The following UVSSA variants were observed in gnomAD, a reference collection of about 807,000 sequenced individuals.
UVSSA encodes UV-stimulated scaffold protein A.
A neutral mutation model predicts 73.9 loss-of-function variants in UVSSA; 72 were observed. The observed-to-expected ratio is 0.97, with a 90% CI of 0.81 to 1.19. The LOEUF (loss-of-function observed/expected upper bound fraction) is 1.19. Ranked by LOEUF, UVSSA falls within the 50% of genes most tolerant of loss-of-function variation. The probability of loss-of-function intolerance (pLI) is 0.00; values close to 1 mark genes in which losing one functional copy is unlikely to be tolerated. For synonymous variants in UVSSA, 454 were observed against 391.3 expected, an observed-to-expected ratio of 1.16 and a Z score of -1.89; for missense variants, 1,150 against 965.0, an observed-to-expected ratio of 1.19 and a Z score of -2.54.
upstream of UVSSA, among the ~76,000 whole-genome samples, chr4:1,346,191 G>GA (rs1424969514): frequency 6.6e-6 from 1 of 152,216 alleles, no homozygotes; most frequent in Non-Finnish European, 1.5e-5. Flanking sequence ...CACACATCCT[G>GA]AAACCCACCC....
intron 10 of UVSSA, among the ~76,000 whole-genome samples, chr4:1,377,018 G>A (rs1239459262): frequency 6.6e-6 from 1 of 152,222 alleles, no homozygotes; most frequent in Non-Finnish European, 1.5e-5. Context: ...CCATTTCAAG[G>A]GCCGGGCTGC....
Position 1,365,826 on chromosome 4 carries a change from C to T in UVSSA, c.1177-494C>T, listed in dbSNP as rs192254573. On this transcript the variant is annotated intron_variant, in intron 7 of 13. Transcript: ENST00000389851. Reference sequence around the variant, plus strand: ...ACCTAAGCCCCGGGGGCACCGCAGACGCACCTGCTCCACCTGGTGGGAAGA... The same window carrying T: ...ACCTAAGCCCCGGGGGCACCGCAGATGCACCTGCTCCACCTGGTGGGAAGA... Among the ~76,000 whole-genome samples the T allele has an allele frequency of 3.4e-3, 517 of 152,120 alleles. 4 individuals carry two copies. The highest frequency in any genetic ancestry group is 0.012 in the African/African-American group (497 of 41,532).
chr4:1,373,159 T>A (rs1718346511), intron 8 of UVSSA, among the ~76,000 whole-genome samples: 1 of 152,238 alleles, frequency 6.6e-6, no homozygotes, highest in South Asian at 2.1e-4. Context: ...CTATTGAAAA[T>A]CTTGTGTCAA....
intron 10 of UVSSA, among the ~76,000 whole-genome samples, chr4:1,379,404 C>T (rs962840728): frequency 2.6e-5 from 4 of 152,222 alleles, no homozygotes; most frequent in East Asian, 1.9e-4. Flanking sequence ...CACCCAGCCC[C>T]CCCATCCCAT....
chr4:1,352,947 G>T, intron 4 of UVSSA, 83 bp from the exon 5 acceptor site: 2 of 1,520,658 alleles, frequency 1.3e-6, no homozygotes, highest in Admixed American at 2.0e-5. Flanking sequence ...CCTGCGGGGA[G>T]TGGGCCTCTG....
chr4:1,342,322 CCTTG>C (rs1713460711), upstream of UVSSA, among the ~76,000 whole-genome samples: 1 of 152,126 alleles, frequency 6.6e-6, no homozygotes, highest in African/African-American at 2.4e-5. Context: ...TGTGATTTTC[CCTTG>C]CTTTTCTTTG....
At chr4:1,395,855 A>G in exon 14 of UVSSA, 1 of 1,611,420 alleles carries the variant, frequency 6.2e-7, no homozygotes, top group Non-Finnish European at 8.5e-7. Flanking sequence ...TAACGTAGGA[A>G]TATTAGGGAT....
chr4:1,375,324 G>C, intron 8 of UVSSA, 40 bp from the exon 9 acceptor site: 1 of 1,608,758 alleles, frequency 6.2e-7, no homozygotes, highest in East Asian at 2.2e-5. Flanking sequence ...CTGGCGGGTT[G>C]TGGGAGTGGT....
At chr4:1,352,103 C>T (rs1319067124) in intron 4 of UVSSA, among the ~76,000 whole-genome samples, 4 of 152,264 alleles carry the variant, frequency 2.6e-5, no homozygotes, top group Non-Finnish European at 4.4e-5. Flanking sequence ...CACAGGTGTG[C>T]CTGTGGGCAG....
At chr4:1,394,089 C>G (rs1479454561) in exon 14 of UVSSA, 1 of 300,274 alleles carries the variant, frequency 3.3e-6, no homozygotes, top group Admixed American at 4.9e-5. Context: ...GTGCCTTTGC[C>G]TTCACTTCTT....
At position 1,350,091 on chromosome 4, in the gene UVSSA, G is replaced by A. The variant is rs1191450399; in HGVS notation, c.429+237G>A. Among the ~76,000 whole-genome samples the A allele has an allele frequency of 2.6e-5, 4 of 152,118 alleles. No homozygotes were observed. In the East Asian group the frequency reaches 7.7e-4, roughly 29 times the overall value. ...CTGAGAGGAAGAGCATAAGCTTTATGTGTGGGTGGAGCTGAGGCTGCATGT... is the reference window on the plus strand; with the variant it reads ...CTGAGAGGAAGAGCATAAGCTTTATATGTGGGTGGAGCTGAGGCTGCATGT... On this transcript the variant is annotated intron_variant, in intron 3 of 13. Transcript: ENST00000389851.
chr4:1,362,214 G>A (rs928943311), intron 7 of UVSSA, among the ~76,000 whole-genome samples: 2 of 152,220 alleles, frequency 1.3e-5, no homozygotes, highest in Non-Finnish European at 2.9e-5. Flanking sequence ...AGCAGAGGCC[G>A]GAGTGCTCCT....
downstream of UVSSA, chr4:1,390,294 T>C (rs1454809910): frequency 6.6e-6 from 1 of 152,230 alleles, no homozygotes; most frequent in Non-Finnish European, 1.5e-5. Context: ...CCTTCTGTTA[T>C]TGACTTCTTT....
Position 1,380,189 on chromosome 4 carries a change from A to G in UVSSA, c.1711A>G (p.Arg571Gly), listed in dbSNP as rs145701437. 4 of 1,612,754 alleles carry G rather than the reference A, an allele frequency of 2.5e-6. No individual in the cohort carries two copies. Among genetic ancestry groups the G allele is most frequent in the Non-Finnish European group, 2.5e-6 (3 of 1,179,894 alleles). The change falls in exon 11 of 14, where the codon AGG (arginine) becomes GGG (glycine). Residue 571 changes from arginine to glycine, a missense_variant. Coordinates refer to ENST00000389851, the MANE Select transcript of UVSSA (RefSeq NM_020894.4). ...EPVQHWCRAP[R>G]PDGRLCERQD... ...TGTGCAGCACTGGTGCCGTGCCCCG[A>G]GGCCAGACGGCCGGCTCTGTGAGCG...
intron 3 of UVSSA, among the ~76,000 whole-genome samples, chr4:1,351,134 C>A (rs1410649476): frequency 6.7e-6 from 1 of 149,990 alleles, no homozygotes; most frequent in Non-Finnish European, 1.5e-5. Flanking sequence ...GGTGCGATCT[C>A]AGCTCACTGC....
rs971582302 is a variant in UVSSA at position 1,376,379 on chromosome 4, T to G, written c.1568+211T>G. ...AGCCCAGAAAGGCTTTTTTGAGCCT[T>G]TCTGCTGCTGTGTCGGGGGCCATCC... On this transcript the variant is annotated intron_variant, in intron 10 of 13. Coordinates refer to ENST00000389851, the MANE Select transcript of UVSSA (RefSeq NM_020894.4). Among the ~76,000 whole-genome samples the G allele has an allele frequency of 8.5e-5, 13 of 152,284 alleles. No individual in the cohort carries two copies. The South Asian group carries it at 2.7e-3, about 32-fold the overall frequency.
In UVSSA at chr4:1,352,214, C is replaced by T. The variant is rs71606318; in HGVS notation, c.550+379C>T. ...CCCCAAAACTTCACTGTTTGCTTCT[C>T]GGCAGTCAGCCTTTCTTGTGAGGGG... On this transcript the variant is annotated intron_variant, in intron 4 of 13. Coordinates refer to ENST00000389851, the MANE Select transcript of UVSSA (RefSeq NM_020894.4). 2.5e-3 allele frequency among the ~76,000 whole-genome samples: 388 copies of T among 152,324 alleles called. 2 individuals carry two copies. Among genetic ancestry groups the T allele is most frequent in the Non-Finnish European group, 3.3e-3 (225 of 68,028 alleles).
exon 14 of UVSSA, chr4:1,393,386 G>A (rs775275503): frequency 6.6e-6 from 1 of 152,134 alleles, no homozygotes; most frequent in Non-Finnish European, 1.5e-5. Context: ...ATGTGTAGAA[G>A]CTGATTTAAA....
At chr4:1,379,042 G>A (rs1719114079) in intron 10 of UVSSA, among the ~76,000 whole-genome samples, 1 of 150,842 alleles carries the variant, frequency 6.6e-6, no homozygotes, top group Non-Finnish European at 1.5e-5. Context: ...GGCCGTGCCT[G>A]GGGCTGTGCT....
Sources: gnomAD v4.1 joint callset for allele counts (sites outside exome capture counted in the v4.1 genomes callset) on GRCh38, gnomAD v4.1.1 for gene constraint, MANE v1.5 for transcripts, NCBI Gene and HGNC (gene_info 2026-07-23, HGNC 2026-07-21) for gene names.